The following B3GLCT variants were observed in gnomAD, a reference collection of about 807,000 sequenced individuals.
B3GLCT encodes beta 3-glucosyltransferase, also known as beta-1,3-glucosyltransferase.
B3GLCT carries 65 observed loss-of-function variants against 63.4 expected under a neutral mutation model. That is an observed-to-expected ratio of 1.03 (90% confidence interval 0.84 to 1.26). B3GLCT has a LOEUF of 1.26. Among genes scored for constraint, B3GLCT ranks in the 50% most tolerant of loss-of-function variants. The pLI is 0.00. For missense variants in B3GLCT, 577 were observed against 604.8 expected, an observed-to-expected ratio of 0.95 and a Z score of 0.48; for synonymous variants, 233 against 219.2, an observed-to-expected ratio of 1.06 and a Z score of -0.55.
At chr13:31,265,649 A>G (rs1872255864) in intron 7 of B3GLCT, among the ~76,000 whole-genome samples, 1 of 152,232 alleles carries the variant, frequency 6.6e-6, no homozygotes. Context: ...CAATTAAAAC[A>G]ATACTTTCAT....
At chr13:31,295,123 G>C (rs1873867677) in intron 12 of B3GLCT, among the ~76,000 whole-genome samples, 1 of 152,138 alleles carries the variant, frequency 6.6e-6, no homozygotes, top group Non-Finnish European at 1.5e-5. Context: ...GACCCCATCT[G>C]CCTGGGTATT....
chr13:31,272,323 C>T (rs1305021608), intron 8 of B3GLCT, among the ~76,000 whole-genome samples: 2 of 150,082 alleles, frequency 1.3e-5, no homozygotes, highest in African/African-American at 4.9e-5. Context: ...TCAAGCAGTT[C>T]GCTGCCTTAG....
At chr13:31,258,462 A>T (rs1871852539) in intron 6 of B3GLCT, among the ~76,000 whole-genome samples, 1 of 152,072 alleles carries the variant, frequency 6.6e-6, no homozygotes, top group Non-Finnish European at 1.5e-5. Flanking sequence ...TCAGGCTATC[A>T]TCATCTCCTG....
chr13:31,218,452 C>T (rs1160710764), intron 2 of B3GLCT, among the ~76,000 whole-genome samples: 1 of 152,140 alleles, frequency 6.6e-6, no homozygotes, highest in Non-Finnish European at 1.5e-5. Context: ...TCCCAAAGTG[C>T]TGGGATTACA....
At chr13:31,285,601 G>A (rs1290437000) in intron 11 of B3GLCT, among the ~76,000 whole-genome samples, 6 of 55,192 alleles carry the variant, frequency 1.1e-4, no homozygotes, top group Admixed American at 6.3e-4. Context: ...GCCCTTTTAT[G>A]AGTAAAAAAA....
intron 4 of B3GLCT, among the ~76,000 whole-genome samples, chr13:31,235,358 G>A (rs930880279): frequency 3.9e-5 from 6 of 152,112 alleles, no homozygotes; most frequent in Non-Finnish European, 5.9e-5. Context: ...GCATACATAG[G>A]TAGTGGCTAG....
intron 1 of B3GLCT, among the ~76,000 whole-genome samples, chr13:31,205,255 T>G (rs1868889482): frequency 1.3e-5 from 2 of 151,548 alleles, no homozygotes; most frequent in African/African-American, 2.4e-5. Flanking sequence ...TTTGTTTTTT[T>G]TTTTAAGAGT....
chr13:31,317,832 A>C lies in B3GLCT; in HGVS notation c.1184+147A>C, dbSNP rs534823762. 6.0e-4 allele frequency: 577 copies of C among 966,106 alleles called. 1 individual carries two copies. The highest frequency in any genetic ancestry group is 1.5e-3 in the Admixed American group (64 of 43,494). The allele number at this position is 966,106 out of a possible 1,614,324, so 59.8% of individuals were successfully genotyped here. On this transcript the variant is annotated intron_variant, in intron 13 of 14. Transcript: ENST00000343307. ...ACTATAATAGGAAAGTGAACATTAT[A>C]TTTGCTAAATATTAAAAGAACACTC...
intron 12 of B3GLCT, among the ~76,000 whole-genome samples, chr13:31,302,254 A>G (rs760564061): frequency 6.6e-6 from 1 of 152,222 alleles, no homozygotes; most frequent in Non-Finnish European, 1.5e-5. Flanking sequence ...AACATGTACC[A>G]TGGCCTGGAT....
Position 31,284,635 on chromosome 13 carries a change from G to A in B3GLCT, c.851-13G>A. The A allele has an allele frequency of 6.9e-7, 1 of 1,455,906 alleles. No homozygotes were observed. Among genetic ancestry groups the A allele is most frequent in the Non-Finnish European group, 9.7e-7 (1 of 1,036,022 alleles). 90.2% of individuals were successfully genotyped at this position (1,455,906 alleles called of 1,614,324 possible). On this transcript the variant is annotated splice_polypyrimidine_tract_variant and intron_variant, in intron 10 of 14. Coordinates refer to ENST00000343307, the MANE Select transcript of B3GLCT (RefSeq NM_194318.4). ...AACTGTGCCAGTGATTGTCACCTCT[G>A]TAATTTTTTCAGTACCTATTGTTAA...
chr13:31,246,951 C>CTTT (rs66466340), intron 4 of B3GLCT, 72 bp from the exon 5 acceptor site: 181 of 779,398 alleles, frequency 2.3e-4, no homozygotes, highest in South Asian at 5.2e-4. Flanking sequence ...CTTTTCTTTT[C>CTTT]TTTTTTTTTT....
rs1054951859 is a variant in B3GLCT, at chr13:31,211,553, C to T, written c.71-3498C>T. Among the ~76,000 whole-genome samples the T allele has an allele frequency of 4.6e-5, 7 of 150,566 alleles. No individual in the cohort carries two copies. In the South Asian group the frequency reaches 6.2e-4, roughly 13 times the overall value. On this transcript the variant is annotated intron_variant, in intron 1 of 14. Coordinates refer to ENST00000343307, the MANE Select transcript of B3GLCT (RefSeq NM_194318.4). ...GAAAAAGGTATTTTAAATTTCACAG[C>T]AGAGTGATAAGAAATGACAGACTTT...
chr13:31,226,574 G>A (rs569495177), intron 3 of B3GLCT, among the ~76,000 whole-genome samples: 4 of 152,208 alleles, frequency 2.6e-5, no homozygotes, highest in East Asian at 1.9e-4. Context: ...TGTGATGAGC[G>A]GTGAGCGCAG....
intron 1 of B3GLCT, among the ~76,000 whole-genome samples, chr13:31,209,330 G>GT (rs1869143061): frequency 6.6e-6 from 1 of 152,214 alleles, no homozygotes; most frequent in Non-Finnish European, 1.5e-5. Flanking sequence ...TTGGAAACAA[G>GT]TAAGTTGGCT....
rs555896005 is a variant in B3GLCT, at chr13:31,265,556, C to T, written c.597-3658C>T. Among the ~76,000 whole-genome samples, 121 of 152,306 alleles carry T rather than the reference C, an allele frequency of 7.9e-4. 1 individual carries two copies. Among genetic ancestry groups the T allele is most frequent in the African/African-American group, 2.8e-3 (116 of 41,556 alleles). On this transcript the variant is annotated intron_variant, in intron 7 of 14. Transcript: ENST00000343307. ...ACACACTTTCTTAGACTGTTTCCAA[C>T]CAAAATTTTATTTGGCCTAACAATT...
chr13:31,316,666 T>C (rs918112455), intron 12 of B3GLCT, among the ~76,000 whole-genome samples: 14 of 151,926 alleles, frequency 9.2e-5, no homozygotes, highest in Admixed American at 3.3e-4. Flanking sequence ...CTTTTGATTT[T>C]GCAGGCTTAT....
At chr13:31,238,633 A>G (rs1308957988) in intron 4 of B3GLCT, among the ~76,000 whole-genome samples, 1 of 152,210 alleles carries the variant, frequency 6.6e-6, no homozygotes, top group Non-Finnish European at 1.5e-5. Flanking sequence ...CAGAAATTGT[A>G]AGTACAGAAT....
At chr13:31,256,323 G>C (rs1324141653) in intron 6 of B3GLCT, among the ~76,000 whole-genome samples, 3 of 152,228 alleles carry the variant, frequency 2.0e-5, no homozygotes, top group Admixed American at 1.3e-4. Flanking sequence ...CTTTTACACT[G>C]TTGGTGGGAG....
chr13:31,254,095 G>A (rs1182700712), intron 6 of B3GLCT, among the ~76,000 whole-genome samples: 1 of 152,140 alleles, frequency 6.6e-6, no homozygotes, highest in Non-Finnish European at 1.5e-5. Context: ...TTCTACCAGA[G>A]TTACAAAGAG....
Sources: gnomAD v4.1 joint callset for allele counts (sites outside exome capture counted in the v4.1 genomes callset) on GRCh38, gnomAD v4.1.1 for gene constraint, MANE v1.5 for transcripts, NCBI Gene and HGNC (gene_info 2026-07-23, HGNC 2026-07-21) for gene names.